AGBL4: variants seen among roughly 807,000 people sequenced by gnomAD.
AGBL4 encodes AGBL carboxypeptidase 4.
AGBL4 carries 58 observed loss-of-function variants against 66.4 expected under a neutral mutation model. That is an observed-to-expected ratio of 0.87 (90% CI 0.71 to 1.09). The LOEUF is 1.09. Ranked by LOEUF, AGBL4 falls within the 50% of genes least tolerant of loss-of-function variation. The pLI is 0.00. For synonymous variants in AGBL4, 234 were observed against 222.9 expected (o/e 1.05, Z -0.44); for missense variants, 579 against 631.0 (o/e 0.92, Z 0.88).
At chr1:49,624,058 G>A (rs1226897889) in intron 3 of AGBL4, among the ~76,000 whole-genome samples, 1 of 151,512 alleles carries the variant, frequency 6.6e-6, no homozygotes, top group Non-Finnish European at 1.5e-5. Flanking sequence ...GGTGTGCATA[G>A]AATTAAAAGC....
At chr1:49,077,352 A>T (rs1212086613) in intron 4 of AGBL4, among the ~76,000 whole-genome samples, 1 of 152,202 alleles carries the variant, frequency 6.6e-6, no homozygotes, top group Non-Finnish European at 1.5e-5. Context: ...AACCAAAGAT[A>T]CATCAAGAAT....
intron 6 of AGBL4, among the ~76,000 whole-genome samples, chr1:48,802,501 GACCTGGT>G (rs1250791273): frequency 3.3e-5 from 5 of 152,250 alleles, no homozygotes; most frequent in African/African-American, 1.2e-4. Context: ...TCCAGCATAG[GACCTGGT>G]ACATTGGAAG....
intron 4 of AGBL4, among the ~76,000 whole-genome samples, chr1:49,155,483 A>C (rs1393846646): frequency 6.6e-6 from 1 of 152,186 alleles, no homozygotes; most frequent in Non-Finnish European, 1.5e-5. Context: ...ACAGTTCAGG[A>C]AAATAAAGAT....
chr1:49,173,632 C>T (rs2148169350), intron 4 of AGBL4, among the ~76,000 whole-genome samples: 1 of 152,220 alleles, frequency 6.6e-6, no homozygotes. Context: ...AAAGATATGT[C>T]AGCATGTTAT....
intron 4 of AGBL4, among the ~76,000 whole-genome samples, chr1:49,194,537 G>A (rs1647187997): frequency 6.6e-6 from 1 of 151,918 alleles, no homozygotes; most frequent in South Asian, 2.1e-4. Flanking sequence ...GATATGTGAG[G>A]TTTTGTTCCT....
chr1:48,631,241 T>G (rs1169580019), intron 9 of AGBL4, among the ~76,000 whole-genome samples: 1 of 152,112 alleles, frequency 6.6e-6, no homozygotes, highest in African/African-American at 2.4e-5. Context: ...GAAATGCACT[T>G]AAAGCTCTTA....
intron 2 of AGBL4, among the ~76,000 whole-genome samples, chr1:49,742,570 C>A (rs905645815): frequency 6.6e-6 from 1 of 151,700 alleles, no homozygotes; most frequent in African/African-American, 2.4e-5. Context: ...TCATATGGAA[C>A]CAAAAAAGAG....
At chr1:49,484,136 T>C (rs1468644341) in intron 3 of AGBL4, among the ~76,000 whole-genome samples, 2 of 152,090 alleles carry the variant, frequency 1.3e-5, no homozygotes, top group African/African-American at 2.4e-5. Context: ...AGATCCCTCA[T>C]ACACTGTTTG....
At chr1:49,125,474 G>A (rs146577522) in intron 4 of AGBL4, among the ~76,000 whole-genome samples, 3 of 152,176 alleles carry the variant, frequency 2.0e-5, no homozygotes, top group Non-Finnish European at 2.9e-5. Context: ...TGGCTGCTTC[G>A]CAAGGAGAAC....
At chr1:48,939,544 C>A (rs1655777211) in intron 5 of AGBL4, among the ~76,000 whole-genome samples, 1 of 152,192 alleles carries the variant, frequency 6.6e-6, no homozygotes, top group Admixed American at 6.5e-5. Context: ...AAGGCAGGGG[C>A]TCTGTAAGTA....
intron 1 of AGBL4, among the ~76,000 whole-genome samples, chr1:49,965,107 T>C (rs1290251780): frequency 6.6e-6 from 1 of 152,196 alleles, no homozygotes; most frequent in Non-Finnish European, 1.5e-5. Context: ...CTATTGAAAT[T>C]ATTACATTAT....
chr1:49,891,892 A>G (rs1228742523), intron 1 of AGBL4, among the ~76,000 whole-genome samples: 1 of 152,212 alleles, frequency 6.6e-6, no homozygotes, highest in Non-Finnish European at 1.5e-5. Flanking sequence ...TAAGTGAAAA[A>G]CAAAGCTTAA....
chr1:49,664,937 A>C (rs907854176), intron 3 of AGBL4, among the ~76,000 whole-genome samples: 1 of 152,128 alleles, frequency 6.6e-6, no homozygotes, highest in Non-Finnish European at 1.5e-5. Context: ...CATCTCCTTC[A>C]TGCCACGGTA....
At chr1:48,727,798 A>C in intron 6 of AGBL4, 1 of 1,314,398 alleles carries the variant, frequency 7.6e-7, no homozygotes, top group Non-Finnish European at 1.1e-6. Context: ...ACCACCATGC[A>C]CGGTGGGGTC....
intron 3 of AGBL4, among the ~76,000 whole-genome samples, chr1:49,353,124 C>G (rs901229449): frequency 6.6e-6 from 1 of 152,176 alleles, no homozygotes; most frequent in Non-Finnish European, 1.5e-5. Flanking sequence ...AGAGGTATGT[C>G]AAAACCACCT....
At chr1:48,983,210 C>A (rs532258311) in intron 5 of AGBL4, among the ~76,000 whole-genome samples, 3 of 152,072 alleles carry the variant, frequency 2.0e-5, no homozygotes, top group South Asian at 2.1e-4. Flanking sequence ...TTAAAAAAAA[C>A]CCTAAAATTC....
At chr1:49,406,390 A>G (rs1645197786) in intron 3 of AGBL4, among the ~76,000 whole-genome samples, 1 of 152,206 alleles carries the variant, frequency 6.6e-6, no homozygotes, top group Non-Finnish European at 1.5e-5. Flanking sequence ...TCTTACCTAC[A>G]AATGTGATAT....
intron 3 of AGBL4, among the ~76,000 whole-genome samples, chr1:49,458,742 G>A (rs762927034): frequency 2.0e-5 from 3 of 151,384 alleles, no homozygotes; most frequent in African/African-American, 4.8e-5. Context: ...TATCGATTTT[G>A]TTGAGGGATG....
intron 4 of AGBL4, among the ~76,000 whole-genome samples, chr1:49,226,810 C>T (rs1483131278): frequency 2.6e-5 from 4 of 152,114 alleles, no homozygotes; most frequent in Non-Finnish European, 5.9e-5. Flanking sequence ...TTGTCTTAGT[C>T]CATTTGTGAT....
Sources: allele counts gnomAD v4.1 joint callset (sites outside exome capture counted in the v4.1 genomes callset), GRCh38; gene constraint gnomAD v4.1.1; transcripts MANE v1.5; gene names NCBI Gene and HGNC (gene_info 2026-07-23, HGNC 2026-07-21).